The following QTMAN variants were observed in gnomAD, a reference collection of about 807,000 sequenced individuals.
QTMAN encodes the protein tRNA-queuosine alpha-mannosyltransferase.
the QTMAN span, among the ~76,000 whole-genome samples, chr2:144,054,990 A>G: frequency 6.6e-6 from 1 of 152,190 alleles, no homozygotes; most frequent in Non-Finnish European, 1.5e-5. Context: ...AGATTGCAAA[A>G]TCCAAAATTG....
At chr2:144,212,506 C>T in the QTMAN span, among the ~76,000 whole-genome samples, 5 of 151,996 alleles carry the variant, frequency 3.3e-5, no homozygotes, top group East Asian at 1.9e-4. Flanking sequence ...AAAGAATACC[C>T]GAATTAGGGA....
the QTMAN span, among the ~76,000 whole-genome samples, chr2:144,293,166 A>C: frequency 2.0e-5 from 3 of 152,216 alleles, no homozygotes; most frequent in Non-Finnish European, 4.4e-5. Context: ...CATAAAAAAG[A>C]CTGCATTATG....
chr2:143,964,432 GTC>G, the QTMAN span, among the ~76,000 whole-genome samples: 1 of 152,058 alleles, frequency 6.6e-6, no homozygotes, highest in South Asian at 2.1e-4. Context: ...AGACAACAAG[GTC>G]TCTCTCTGCC....
the QTMAN span, among the ~76,000 whole-genome samples, chr2:144,053,553 G>A: frequency 6.6e-6 from 1 of 152,162 alleles, no homozygotes; most frequent in African/African-American, 2.4e-5. Context: ...CCTGAATGAA[G>A]CATCAGTGAG....
At chr2:144,027,609 T>A in the QTMAN span, among the ~76,000 whole-genome samples, 1 of 152,288 alleles carries the variant, frequency 6.6e-6, no homozygotes, top group Non-Finnish European at 1.5e-5. Context: ...GAAGCACACA[T>A]AAGGTAGAGG....
chr2:144,238,650 A>G, the QTMAN span, among the ~76,000 whole-genome samples: 4 of 152,138 alleles, frequency 2.6e-5, no homozygotes, highest in Non-Finnish European at 5.9e-5. Flanking sequence ...TGTTTCTAGG[A>G]ACGTGCACTA....
At chr2:143,947,043 C>A in the QTMAN span, 1 of 1,589,414 alleles carries the variant, frequency 6.3e-7, no homozygotes, top group African/African-American at 1.3e-5. Context: ...TGTGACTTAG[C>A]CCCATCTGTC....
the QTMAN span, among the ~76,000 whole-genome samples, chr2:144,111,249 C>T: frequency 6.6e-6 from 1 of 152,146 alleles, no homozygotes; most frequent in African/African-American, 2.4e-5. Context: ...TTGATTCCCA[C>T]ATCTAGAGCA....
At chr2:144,052,982 C>T in the QTMAN span, among the ~76,000 whole-genome samples, 1 of 152,142 alleles carries the variant, frequency 6.6e-6, no homozygotes, top group African/African-American at 2.4e-5. Context: ...TATGGATACA[C>T]AGGAGGTGAT....
At chr2:144,250,123 G>GT in the QTMAN span, among the ~76,000 whole-genome samples, 1,165 of 133,742 alleles carry the variant, frequency 8.7e-3, 19 homozygotes, top group African/African-American at 0.02. Context: ...TGGTTTTTGT[G>GT]TTTTTTTTTT....
the QTMAN span, among the ~76,000 whole-genome samples, chr2:143,992,714 A>G: frequency 2.0e-5 from 3 of 152,172 alleles, no homozygotes; most frequent in Non-Finnish European, 4.4e-5. Context: ...ACTAAAAGCA[A>G]TTCTTAAGGA....
the QTMAN span, among the ~76,000 whole-genome samples, chr2:144,247,799 C>A: frequency 6.6e-6 from 1 of 152,040 alleles, no homozygotes; most frequent in Non-Finnish European, 1.5e-5. Context: ...TCAGCCCCCA[C>A]CCTAAGTAGT....
the QTMAN span, among the ~76,000 whole-genome samples, chr2:144,102,450 C>T: frequency 2.0e-5 from 3 of 152,082 alleles, no homozygotes; most frequent in Non-Finnish European, 4.4e-5. Flanking sequence ...TTACTTTTGA[C>T]GTTTTACAGC....
chr2:144,021,651 A>G, the QTMAN span, among the ~76,000 whole-genome samples: 130 of 152,314 alleles, frequency 8.5e-4, no homozygotes, highest in African/African-American at 3.0e-3. Context: ...TTGAGAATGG[A>G]TTTGTTGATA....
the QTMAN span, among the ~76,000 whole-genome samples, chr2:144,024,831 G>T: frequency 6.6e-6 from 1 of 152,046 alleles, no homozygotes; most frequent in Non-Finnish European, 1.5e-5. Flanking sequence ...TTGTAATGGG[G>T]TTATACTTCT....
At chr2:144,236,176 A>C in the QTMAN span, among the ~76,000 whole-genome samples, 1 of 152,104 alleles carries the variant, frequency 6.6e-6, no homozygotes, top group African/African-American at 2.4e-5. Flanking sequence ...ACCTCTGCTG[A>C]GGCTTGCCTA....
the QTMAN span, among the ~76,000 whole-genome samples, chr2:144,299,169 C>T: frequency 6.6e-6 from 1 of 152,174 alleles, no homozygotes; most frequent in Non-Finnish European, 1.5e-5. Context: ...TTAGTTGAAA[C>T]TTCTCTCACT....
the QTMAN span, among the ~76,000 whole-genome samples, chr2:144,082,576 G>A: frequency 6.6e-6 from 1 of 151,836 alleles, no homozygotes. Flanking sequence ...AGTACAAAAA[G>A]GTTGAACATA....
the QTMAN span, among the ~76,000 whole-genome samples, chr2:143,953,314 A>G: frequency 6.6e-6 from 1 of 151,872 alleles, no homozygotes; most frequent in African/African-American, 2.4e-5. Context: ...AAAAAAATTT[A>G]CAATCTGTTG....
Sources: allele counts gnomAD v4.1 joint callset (sites outside exome capture counted in the v4.1 genomes callset), GRCh38; gene constraint gnomAD v4.1.1; transcripts MANE v1.5; gene names NCBI Gene and HGNC (gene_info 2026-07-23, HGNC 2026-07-21).